The following FAM184A variants were observed in gnomAD, a reference collection of about 807,000 sequenced individuals.
The protein encoded by FAM184A is protein FAM184A.
A neutral mutation model predicts 143.8 loss-of-function variants in FAM184A; 99 were observed. That is an observed-to-expected ratio of 0.69 (90% CI 0.58 to 0.81). The LOEUF is 0.81. Among genes scored for constraint, FAM184A ranks in the 40% least tolerant of loss-of-function variants. FAM184A has a pLI of 0.00. For missense variants in FAM184A, 1,217 were observed against 1,310.5 expected, an observed-to-expected ratio of 0.93 and a Z score of 1.10; for synonymous variants, 427 against 446.4, an observed-to-expected ratio of 0.96 and a Z score of 0.55.
At chr6:119,146,397 CGTGT>C (rs60937351) in intron 1 of FAM184A, among the ~76,000 whole-genome samples, 8,660 of 136,230 alleles carry the variant, frequency 0.064, 418 homozygotes, top group African/African-American at 0.15. Flanking sequence ...GATTAACTTA[CGTGT>C]GTGTGTGTGT....
chr6:118,975,227 C>T lies in FAM184A; in HGVS notation c.2584-19G>A. The T allele has an allele frequency of 7.0e-7, 1 of 1,425,634 alleles. No homozygotes were observed. The highest frequency in any genetic ancestry group is 9.4e-7 in the Non-Finnish European group (1 of 1,059,144). 88.3% of individuals were successfully genotyped at this position (1,425,634 alleles called of 1,614,324 possible). On this transcript the variant is annotated intron_variant, in intron 12 of 17. Coordinates refer to ENST00000338891, the MANE Select transcript of FAM184A (RefSeq NM_024581.6). ...CCTTACTCTGTTAAAAAAAAAAAGT[C>T]ATTTTTAGAAGTTTTCTACATATTT...
At chr6:119,085,182 G>A (rs1397439677) in intron 1 of FAM184A, among the ~76,000 whole-genome samples, 2 of 152,160 alleles carry the variant, frequency 1.3e-5, no homozygotes, top group African/African-American at 2.4e-5. Flanking sequence ...ATTTTCCAAA[G>A]TTTTATGCTC....
At chr6:119,027,904 T>C (rs1221190671) in intron 1 of FAM184A, among the ~76,000 whole-genome samples, 2 of 152,206 alleles carry the variant, frequency 1.3e-5, no homozygotes, top group African/African-American at 4.8e-5. Flanking sequence ...TCTACTGAAC[T>C]TAAATGTTTT....
chr6:119,007,053 A>T (rs1334145022), intron 6 of FAM184A, among the ~76,000 whole-genome samples: 2 of 152,220 alleles, frequency 1.3e-5, no homozygotes, highest in Non-Finnish European at 2.9e-5. Context: ...CAATATTGAT[A>T]AGCTGGTAAA....
chr6:119,052,321 C>T (rs1303377744), intron 1 of FAM184A, among the ~76,000 whole-genome samples: 1 of 152,170 alleles, frequency 6.6e-6, no homozygotes, highest in Admixed American at 6.5e-5. Context: ...TACTCTTCCC[C>T]TCCTCCTACC....
chr6:119,061,976 G>A (rs1301127523), intron 1 of FAM184A, among the ~76,000 whole-genome samples: 1 of 151,902 alleles, frequency 6.6e-6, no homozygotes, highest in Non-Finnish European at 1.5e-5. Flanking sequence ...TTGGGAGCCT[G>A]CATTTGGACC....
intron 1 of FAM184A, among the ~76,000 whole-genome samples, chr6:119,144,333 CAAA>C (rs555955754): frequency 0.056 from 4,340 of 77,940 alleles, 230 homozygotes; most frequent in African/African-American, 0.16. Context: ...GACTCTGACT[CAAA>C]AAAAAAAAAA....
intron 1 of FAM184A, among the ~76,000 whole-genome samples, chr6:119,118,365 A>C (rs1789117172): frequency 6.6e-6 from 1 of 152,248 alleles, no homozygotes; most frequent in African/African-American, 2.4e-5. Flanking sequence ...TACTTAGCTC[A>C]TATTAAACAC....
chr6:119,106,794 G>C (rs1180038559), intron 1 of FAM184A, among the ~76,000 whole-genome samples: 3 of 152,140 alleles, frequency 2.0e-5, no homozygotes, highest in African/African-American at 7.2e-5. Context: ...CATGAAAACT[G>C]TTTGGGAGGT....
chr6:119,059,992 T>C (rs1787164095), intron 1 of FAM184A, among the ~76,000 whole-genome samples: 1 of 152,240 alleles, frequency 6.6e-6, no homozygotes, highest in Admixed American at 6.5e-5. Flanking sequence ...TTAATAGGTA[T>C]AAATTGGTCA....
rs1785081280 is a variant in FAM184A at position 119,011,316 on chromosome 6, T to C, written c.1646A>G (p.Asn549Ser). The C allele has an allele frequency of 1.2e-6, 2 of 1,608,220 alleles. No homozygotes were observed. The highest frequency in any genetic ancestry group is 2.2e-5 in the South Asian group (2 of 89,662). ...EVLEDKLNTA[N>S]QEIGHLQDMV... ...GGTCTAAAGAATTCTTGCCTCTTGA[T>C]TGGCTGTATTCAACTTGTCTTCCAG... is the stretch of plus-strand genomic sequence containing the variant. Residue 549 changes from asparagine (N) to serine (S), a missense_variant, in exon 6 of 18, where the codon AAT becomes AGT. Physicochemically the swap from Asn to Ser is conservative, Grantham distance 46. Coordinates refer to ENST00000338891, the MANE Select transcript of FAM184A (RefSeq NM_024581.6).
intron 1 of FAM184A, among the ~76,000 whole-genome samples, chr6:119,144,169 T>TAAAA (rs1290705927): frequency 4.6e-5 from 1 of 21,710 alleles, no homozygotes; most frequent in Admixed American, 6.8e-4. Context: ...CTACTAAAAA[T>TAAAA]ACAAAAAAAA....
intron 14 of FAM184A, among the ~76,000 whole-genome samples, chr6:118,973,028 T>G (rs1186451133): frequency 2.0e-5 from 3 of 152,172 alleles, no homozygotes; most frequent in Non-Finnish European, 4.4e-5. Context: ...TAACACAAGT[T>G]TCCTCACCAT....
At chr6:118,974,708 T>C (rs1437629936) in intron 13 of FAM184A, 134 bp from the exon 14 acceptor site, 1 of 716,422 alleles carries the variant, frequency 1.4e-6, no homozygotes, top group Non-Finnish European at 2.2e-6. Context: ...TAAATTAAGC[T>C]ACTTACTTTC....
chr6:119,069,767 A>G (rs746064912), intron 1 of FAM184A, among the ~76,000 whole-genome samples: 15 of 152,192 alleles, frequency 9.9e-5, no homozygotes, highest in Non-Finnish European at 2.1e-4. Flanking sequence ...TAAGTATACT[A>G]TATGAGAAAG....
At chr6:119,059,012 C>A (rs768868396) in intron 1 of FAM184A, among the ~76,000 whole-genome samples, 3 of 151,508 alleles carry the variant, frequency 2.0e-5, no homozygotes, top group Non-Finnish European at 2.9e-5. Context: ...AGGTCTTGTT[C>A]TGCTAACAGG....
At chr6:119,120,806 CTCTT>C (rs67153836) in intron 1 of FAM184A, among the ~76,000 whole-genome samples, 93,119 of 133,670 alleles carry the variant, frequency 0.7, 32,890 homozygotes, top group South Asian at 0.87. Flanking sequence ...GATGGTTTTT[CTCTT>C]TCTTTCTTTC....
chr6:118,977,206 T>C (rs1783872904), intron 11 of FAM184A, among the ~76,000 whole-genome samples: 1 of 152,032 alleles, frequency 6.6e-6, no homozygotes, highest in African/African-American at 2.4e-5. Context: ...TACTTGGCAA[T>C]AAAAAGAAAC....
intron 1 of FAM184A, among the ~76,000 whole-genome samples, chr6:119,029,543 A>G (rs1785792634): frequency 6.6e-6 from 1 of 152,058 alleles, no homozygotes; most frequent in South Asian, 2.1e-4. Flanking sequence ...AATTTGGAGG[A>G]GTCTTGATAA....
Sources: allele counts gnomAD v4.1 joint callset (sites outside exome capture counted in the v4.1 genomes callset), GRCh38; gene constraint gnomAD v4.1.1; transcripts MANE v1.5; gene names NCBI Gene and HGNC (gene_info 2026-07-23, HGNC 2026-07-21).